The following ASIC2 variants were observed in gnomAD, a reference collection of about 807,000 sequenced individuals.
ASIC2 encodes the protein acid sensing ion channel subunit 2, also known as acid-sensing ion channel 2.
Under a neutral mutation model 57.3 loss-of-function variants are expected in ASIC2, and 25 were observed. The ratio of observed to expected loss-of-function variants is 0.44; its 90% CI spans 0.32 to 0.61. The LOEUF is 0.61. Among genes scored for constraint, ASIC2 ranks in the 20% least tolerant of loss-of-function variants. ASIC2 has a pLI of 0.06. For missense variants in ASIC2, 641 were observed against 738.1 expected, an observed-to-expected ratio of 0.87 and a Z score of 1.52; for synonymous variants, 319 against 307.5, an observed-to-expected ratio of 1.04 and a Z score of -0.39.
chr17:34,129,246 C>A (rs1022884889), intron 1 of ASIC2, among the ~76,000 whole-genome samples: 1 of 152,184 alleles, frequency 6.6e-6, no homozygotes, highest in African/African-American at 2.4e-5. Flanking sequence ...GATCACCCCA[C>A]GTACAGGTGT....
At chr17:33,303,092 T>C (rs568724141) in intron 1 of ASIC2, among the ~76,000 whole-genome samples, 50 of 152,338 alleles carry the variant, frequency 3.3e-4, no homozygotes, top group African/African-American at 9.9e-4. Context: ...TAAAGTTAAC[T>C]GCCTGGGGTC....
intron 1 of ASIC2, among the ~76,000 whole-genome samples, chr17:33,227,447 A>G (rs1331467883): frequency 2.6e-5 from 4 of 151,946 alleles, no homozygotes; most frequent in Non-Finnish European, 4.4e-5. Context: ...TTCCACAGGG[A>G]TTTGCATTGA....
At chr17:34,032,733 C>T (rs1907671889) in intron 1 of ASIC2, among the ~76,000 whole-genome samples, 1 of 152,240 alleles carries the variant, frequency 6.6e-6, no homozygotes, top group East Asian at 1.9e-4. Context: ...ATAAAACAGA[C>T]TTTAAACCAA....
chr17:33,798,360 G>C (rs1911981134), intron 1 of ASIC2, among the ~76,000 whole-genome samples: 1 of 152,158 alleles, frequency 6.6e-6, no homozygotes, highest in Non-Finnish European at 1.5e-5. Context: ...TAGCTTGCCA[G>C]CCTCCACTGA....
chr17:34,150,811 G>A (rs914006785), intron 1 of ASIC2, among the ~76,000 whole-genome samples: 2 of 152,124 alleles, frequency 1.3e-5, no homozygotes, highest in Non-Finnish European at 2.9e-5. Context: ...TAGACATGGA[G>A]AAAGAGGTAT....
At chr17:33,868,796 G>A (rs1056364912) in intron 1 of ASIC2, among the ~76,000 whole-genome samples, 26 of 152,172 alleles carry the variant, frequency 1.7e-4, no homozygotes, top group African/African-American at 5.8e-4. Flanking sequence ...AGGCATTGTG[G>A]CTCATACCTG....
intron 1 of ASIC2, among the ~76,000 whole-genome samples, chr17:34,032,094 G>A (rs1162281821): frequency 6.6e-6 from 1 of 152,204 alleles, no homozygotes; most frequent in African/African-American, 2.4e-5. Flanking sequence ...AGGAAAAAAT[G>A]ATCAGGGTAG....
At chr17:33,297,559 C>T (rs1391972449), upstream of ASIC2, among the ~76,000 whole-genome samples, 1 of 152,100 alleles carries the variant, frequency 6.6e-6, no homozygotes, top group Non-Finnish European at 1.5e-5. Flanking sequence ...TGCAGTGGCT[C>T]ACGCCTGTAA....
intron 1 of ASIC2, among the ~76,000 whole-genome samples, chr17:33,974,967 C>T (rs1196673941): frequency 6.6e-6 from 1 of 152,130 alleles, no homozygotes. Flanking sequence ...ATCTAATTTA[C>T]TTATTTATGT....
intron 1 of ASIC2, among the ~76,000 whole-genome samples, chr17:33,160,671 A>G (rs1404798214): frequency 1.3e-5 from 2 of 152,134 alleles, no homozygotes; most frequent in Non-Finnish European, 2.9e-5. Flanking sequence ...GGTGGGACAG[A>G]GCAGGAATGC....
At chr17:33,688,260 A>G (rs1908256332) in intron 1 of ASIC2, among the ~76,000 whole-genome samples, 1 of 152,212 alleles carries the variant, frequency 6.6e-6, no homozygotes, top group Non-Finnish European at 1.5e-5. Flanking sequence ...TGTTTAGATT[A>G]AAGATCCTAA....
At chr17:33,824,618 T>C (rs1364868545) in intron 1 of ASIC2, among the ~76,000 whole-genome samples, 4 of 152,142 alleles carry the variant, frequency 2.6e-5, no homozygotes, top group Non-Finnish European at 4.4e-5. Context: ...GATGACATGG[T>C]TTGGCTGTGG....
rs1368212722 is a variant in ASIC2 at position 33,380,285 on chromosome 17, GA to G, written c.556-268219del. 5.9e-4 allele frequency among the ~76,000 whole-genome samples: 78 copies of G among 132,074 alleles called. 1 individual carries two copies. The highest frequency in any genetic ancestry group is 1.9e-3 in the African/African-American group (71 of 37,650). The allele number at this position is 132,074 out of a possible 152,430, so 86.6% of individuals were successfully genotyped here. ...AAAAAAAAAGAAAGAAAGAAAGAAA[GA>G]AAAAAAGAAAAAGAAAAGAAAAGAA... On this transcript the variant is annotated intron_variant, in intron 1 of 9. Coordinates refer to the ASIC2 transcript ENST00000359872.
chr17:33,377,418 G>A (rs1597705295), intron 1 of ASIC2, among the ~76,000 whole-genome samples: 1 of 152,168 alleles, frequency 6.6e-6, no homozygotes. Flanking sequence ...TTTTAAAATG[G>A]CTGTAATGGC....
At chr17:33,221,891 A>G (rs890252594) in intron 1 of ASIC2, among the ~76,000 whole-genome samples, 2 of 152,318 alleles carry the variant, frequency 1.3e-5, no homozygotes, top group African/African-American at 4.8e-5. Context: ...ATAGCTATTG[A>G]TCATTTATAC....
At chr17:33,414,972 T>C (rs757954773) in intron 1 of ASIC2, among the ~76,000 whole-genome samples, 1 of 152,200 alleles carries the variant, frequency 6.6e-6, no homozygotes, top group African/African-American at 2.4e-5. Flanking sequence ...CCTCCTCACA[T>C]GTTGGTGGGA....
chr17:34,041,794 A>T (rs1158946076), intron 1 of ASIC2, among the ~76,000 whole-genome samples: 2 of 152,242 alleles, frequency 1.3e-5, no homozygotes, highest in African/African-American at 4.8e-5. Context: ...GACAGGGACT[A>T]GCAGAAGAAA....
At chr17:34,025,069 TAAAG>T (rs1907324249) in intron 1 of ASIC2, among the ~76,000 whole-genome samples, 2 of 152,138 alleles carry the variant, frequency 1.3e-5, no homozygotes, top group African/African-American at 4.8e-5. Context: ...TGTGATCACA[TAAAG>T]GAAGCAACAC....
intron 1 of ASIC2, among the ~76,000 whole-genome samples, chr17:33,946,770 G>A (rs1011966552): frequency 5.3e-5 from 8 of 152,176 alleles, no homozygotes; most frequent in African/African-American, 1.9e-4. Context: ...TGGGGCCAGG[G>A]GACAAGGGTC....
Sources: allele counts gnomAD v4.1 joint callset (sites outside exome capture counted in the v4.1 genomes callset), GRCh38; gene constraint gnomAD v4.1.1; transcripts MANE v1.5; gene names NCBI Gene and HGNC (gene_info 2026-07-23, HGNC 2026-07-21).